The following XPO1 variants were observed in gnomAD, a reference collection of about 807,000 sequenced individuals.
XPO1 encodes exportin-1.
Under a neutral mutation model 133.3 loss-of-function variants are expected in XPO1, and 5 were observed. The observed-to-expected ratio is 0.04, with a 90% CI of 0.02 to 0.08. The LOEUF is 0.08. XPO1 is among the 10% of genes least tolerant of loss of function. XPO1 has a pLI of 1.00. For synonymous variants in XPO1, 419 were observed against 408.2 expected, an observed-to-expected ratio of 1.03 and a Z score of -0.32; for missense variants, 506 against 1,267.5, an observed-to-expected ratio of 0.40 and a Z score of 9.12.
At chr2:61,515,919 T>G (rs1197199402) in intron 4 of XPO1, among the ~76,000 whole-genome samples, 1 of 93,186 alleles carries the variant, frequency 1.1e-5, no homozygotes, top group African/African-American at 4.5e-5. Context: ...CCATCTCTAC[T>G]AAAAAAAAAA....
chr2:61,480,194 A>C (rs2104224891), intron 24 of XPO1: 1 of 151,824 alleles, frequency 6.6e-6, no homozygotes. Context: ...AGATACCAAG[A>C]AAGATGTTTC....
chr2:61,535,158 C>T (rs1037732905), intron 1 of XPO1, among the ~76,000 whole-genome samples: 2 of 152,142 alleles, frequency 1.3e-5, no homozygotes, highest in African/African-American at 4.8e-5. Flanking sequence ...TTTTGTTGCC[C>T]AGAATTATAA....
intron 4 of XPO1, among the ~76,000 whole-genome samples, chr2:61,518,762 AAC>A (rs1164605069): frequency 3.3e-5 from 5 of 152,194 alleles, no homozygotes; most frequent in Admixed American, 2.0e-4. Context: ...TGAGGGACAA[AAC>A]ACATAAAACA....
chr2:61,486,604 T>A, intron 19 of XPO1, among the ~76,000 whole-genome samples: 1 of 152,146 alleles, frequency 6.6e-6, no homozygotes, highest in Middle Eastern at 3.4e-3. Context: ...TACAGGCACC[T>A]GCCACCACGC....
intron 2 of XPO1, among the ~76,000 whole-genome samples, chr2:61,529,986 A>C (rs894374723): frequency 2.6e-5 from 4 of 152,222 alleles, no homozygotes; most frequent in Non-Finnish European, 5.9e-5. Context: ...TGATGGGCAT[A>C]ATGTGTCATA....
chr2:61,481,248 G>A lies in XPO1; in HGVS notation c.3006C>T (p.Phe1002=), dbSNP rs766881651. The change falls in exon 24 of 25, where the codon TTC becomes TTT. Residue 1002 remains phenylalanine, a synonymous_variant. Transcript: ENST00000401558. ...AAGCAGGAATATCTTGATTTAAGCTGAAAAGCCCTGTCACAAAGAGCTTTA... is the reference window on the plus strand; with the variant it reads ...AAGCAGGAATATCTTGATTTAAGCTAAAAAGCCCTGTCACAAAGAGCTTTA... The part of the protein sequence containing the change: ...AQVKLFVTGL[F]SLNQDIPAFK... 7.4e-6 allele frequency: 12 copies of A among 1,611,772 alleles called. No homozygotes were observed. Among genetic ancestry groups the A allele is most frequent in the Admixed American group, 3.4e-5 (2 of 59,472 alleles).
At chr2:61,522,486 AAAGC>A (rs773580489) in intron 4 of XPO1, 121 bp downstream of exon 4, 16 of 776,836 alleles carry the variant, frequency 2.1e-5, no homozygotes, top group Non-Finnish European at 2.9e-5. Context: ...CTTCATGATA[AAAGC>A]AATAAGCTCC....
Position 61,491,413 on chromosome 2 carries a change from T to C in XPO1, c.1887+622A>G, listed in dbSNP as rs540689006. Among the ~76,000 whole-genome samples the C allele has an allele frequency of 3.3e-5, 5 of 150,210 alleles. No homozygotes were observed. In the South Asian group the frequency reaches 8.4e-4, roughly 25 times the overall value. On this transcript the variant is annotated intron_variant, in intron 16 of 24. Transcript: ENST00000401558. ...CTGCAGTGAGCCGAGATTGCGCCAC[T>C]GCACTCCAGCATGGACGACAGAGTG...
At position 61,482,739 on chromosome 2, in the gene XPO1, G is replaced by A. The variant is rs565782253; in HGVS notation, c.2813-200C>T. On this transcript the variant is annotated intron_variant, in intron 22 of 24. Coordinates refer to ENST00000401558, the MANE Select transcript of XPO1 (RefSeq NM_003400.4). ...TCCTGCCTCAGCCTCCCGAATAGGT[G>A]GGATTGCAATCACATGCCACCATGC... The A allele has an allele frequency of 3.4e-4, 251 of 731,562 alleles. 4 individuals are homozygous for A. The South Asian group carries it at 5.0e-3, about 15-fold the overall frequency. The allele number at this position is 731,562 out of a possible 1,614,324, so 45.3% of individuals were successfully genotyped here. A position where few individuals can be genotyped will look rare whatever the true frequency, so the allele number is the denominator to read the frequency against.
chr2:61,486,406 C>G (rs1696695517), intron 19 of XPO1, among the ~76,000 whole-genome samples: 1 of 152,070 alleles, frequency 6.6e-6, no homozygotes, highest in Non-Finnish European at 1.5e-5. Flanking sequence ...GTGGCAGAAT[C>G]AGGATTCTAC....
At chr2:61,495,756 C>CCA (rs1456388075) in intron 10 of XPO1, 143 bp from the exon 11 acceptor site, 1 of 761,408 alleles carries the variant, frequency 1.3e-6, no homozygotes, top group Non-Finnish European at 1.8e-6. Context: ...ACTGCAGCCT[C>CCA]CACCTCCTAG....
At position 61,478,979 on chromosome 2, in the gene XPO1, A is replaced by G. The variant is rs532491222; in HGVS notation, c.3070-13T>C. The G allele has an allele frequency of 1.2e-6, 2 of 1,609,374 alleles. No individual in the cohort carries two copies. Among genetic ancestry groups the G allele is most frequent in the African/African-American group, 1.3e-5 (1 of 74,894 alleles). ...CACCTGCAAATTCCTGTGAAAACAG[A>G]TAGTTGAAATGTCAACGCAATAAAC... On this transcript the variant is annotated splice_polypyrimidine_tract_variant and intron_variant, in intron 24 of 24. Transcript: ENST00000401558.
intron 22 of XPO1, 164 bp from the exon 23 acceptor site, chr2:61,482,703 C>G: frequency 1.3e-6 from 1 of 780,298 alleles, no homozygotes; most frequent in East Asian, 2.8e-5. Flanking sequence ...CCTCCTCGGT[C>G]CAAGCCATTC....
At chr2:61,483,856 T>C (rs146882780) in intron 21 of XPO1, 81 bp downstream of exon 21, 2 of 1,487,166 alleles carry the variant, frequency 1.3e-6, no homozygotes, top group East Asian at 2.3e-5. Flanking sequence ...TCTGAACAAG[T>C]AATACCTTCC....
At position 61,537,546 on chromosome 2, in the gene XPO1, GAC is replaced by G. The variant is rs1342238423; in HGVS notation, c.-7+14_-7+15del. On this transcript the variant is annotated intron_variant, in intron 1 of 24. Transcript: ENST00000401558. The stretch of plus-strand genomic sequence containing the variant: ...CCGCCGCCCGACCCTCGGCCCCGAA[GAC>G]ACAGTCGACTTACCCAGAGATTGAA... The G allele has an allele frequency of 1.3e-5, 2 of 150,492 alleles. No individual in the cohort carries two copies. The highest frequency in any genetic ancestry group is 2.4e-5 in the African/African-American group (1 of 41,114). The allele number at this position is 150,492 out of a possible 1,614,324, so 9.3% of individuals were successfully genotyped here.
intron 1 of XPO1, among the ~76,000 whole-genome samples, chr2:61,535,814 C>G (rs748108069): frequency 6.6e-6 from 1 of 152,110 alleles, no homozygotes; most frequent in African/African-American, 2.4e-5. Flanking sequence ...ACCTTAAGAT[C>G]TAAATACTGA....
rs998447551 is a variant in XPO1, at chr2:61,494,148, G to A, written c.1048-57C>T. On this transcript the variant is annotated intron_variant, in intron 11 of 24. Transcript: ENST00000401558. ...TCTTAAACATTACCAACTTCAAATT[G>A]CTTTTCACTTGTTACACCTTAAGGG... The A allele has an allele frequency of 6.0e-6, 9 of 1,499,562 alleles. No homozygotes were observed. The African/African-American group carries it at 1.1e-4, about 19-fold the overall frequency. 92.9% of individuals were successfully genotyped at this position (1,499,562 alleles called of 1,614,324 possible).
intron 21 of XPO1, 169 bp downstream of exon 21, chr2:61,483,768 G>C (rs1277317208): frequency 1.5e-5 from 10 of 683,514 alleles, no homozygotes; most frequent in Non-Finnish European, 1.9e-5. Flanking sequence ...GACTCACTTG[G>C]AGTGGAGTGG....
rs1696568137 is a variant in XPO1 at position 61,484,408 on chromosome 2, T to C, written c.2509-303A>G. On this transcript the variant is annotated intron_variant, in intron 20 of 24. Coordinates refer to ENST00000401558, the MANE Select transcript of XPO1 (RefSeq NM_003400.4). The stretch of plus-strand genomic sequence containing the variant: ...TATCACTTTTGTTTTTAATTTGAAA[T>C]CACCACTACAGATTACAAAAAAATT... The C allele has an allele frequency of 1.5e-5, 4 of 274,358 alleles. No homozygotes were observed. The South Asian group carries it at 2.4e-4, about 16-fold the overall frequency. The allele number at this position is 274,358 out of a possible 1,614,324, so 17.0% of individuals were successfully genotyped here.
Sources: allele counts gnomAD v4.1 joint callset (sites outside exome capture counted in the v4.1 genomes callset), GRCh38; gene constraint gnomAD v4.1.1; transcripts MANE v1.5; gene names NCBI Gene and HGNC (gene_info 2026-07-23, HGNC 2026-07-21).